Variants in ITCH observed in about 807,000 individuals in gnomAD.
ITCH encodes itchy E3 ubiquitin protein ligase.
ITCH carries 28 observed loss-of-function variants against 126.8 expected under a neutral mutation model. The observed-to-expected ratio is 0.22, with a 90% confidence interval of 0.16 to 0.30. The LOEUF is 0.30. Ranked by LOEUF, ITCH falls within the 10% of genes least tolerant of loss-of-function variation. The probability of loss-of-function intolerance (pLI) is 1.00; values close to 1 mark genes in which losing one functional copy is unlikely to be tolerated. For missense variants in ITCH, 631 were observed against 1,032.4 expected (o/e 0.61, Z 5.33); for synonymous variants, 342 against 340.0 (o/e 1.01, Z -0.06).
chr20:34,389,598 A>G (rs1162974983), intron 2 of ITCH, among the ~76,000 whole-genome samples: 1 of 152,120 alleles, frequency 6.6e-6, no homozygotes, highest in African/African-American at 2.4e-5. Flanking sequence ...TTCTTAGAAA[A>G]ACATATTCAG....
At chr20:34,486,348 C>CA (rs1232226087) in intron 20 of ITCH, among the ~76,000 whole-genome samples, 4 of 149,156 alleles carry the variant, frequency 2.7e-5, no homozygotes, top group African/African-American at 9.9e-5. Flanking sequence ...TCCCCCGAGA[C>CA]AGAGTCTTGC....
At chr20:34,465,829 G>A (rs1987002084) in intron 14 of ITCH, among the ~76,000 whole-genome samples, 2 of 151,956 alleles carry the variant, frequency 1.3e-5, no homozygotes, top group African/African-American at 2.4e-5. Flanking sequence ...TGTTTTCTTC[G>A]TAAAAGATCT....
At chr20:34,444,673 A>C (rs925410147) in intron 10 of ITCH, among the ~76,000 whole-genome samples, 27 of 151,916 alleles carry the variant, frequency 1.8e-4, no homozygotes, top group Admixed American at 1.4e-3. Flanking sequence ...ATGGAGACTC[A>C]CTCTGTTGCC....
chr20:34,476,460 C>T (rs1253755206), intron 16 of ITCH: 21 of 1,216,850 alleles, frequency 1.7e-5, no homozygotes, highest in Non-Finnish European at 2.1e-5. Flanking sequence ...GCCGGGCGCC[C>T]CCAGCGGCAG....
chr20:34,482,142 C>T (rs1404467967), intron 20 of ITCH, among the ~76,000 whole-genome samples: 1 of 152,232 alleles, frequency 6.6e-6, no homozygotes, highest in South Asian at 2.1e-4. Flanking sequence ...TCTCTTACAA[C>T]ACATGGGAAT....
At chr20:34,426,333 T>A (rs1258893147) in intron 7 of ITCH, among the ~76,000 whole-genome samples, 1 of 152,058 alleles carries the variant, frequency 6.6e-6, no homozygotes, top group African/African-American at 2.4e-5. Context: ...GGAGGATAGG[T>A]GAAGAAAGTA....
chr20:34,502,495 G>A (rs936473493), intron 23 of ITCH, among the ~76,000 whole-genome samples: 11 of 152,066 alleles, frequency 7.2e-5, no homozygotes, highest in Non-Finnish European at 1.3e-4. Flanking sequence ...TGGGTCACTT[G>A]AGGTCAGGAG....
intron 14 of ITCH, 144 bp downstream of exon 14, chr20:34,462,365 A>G: frequency 1.2e-6 from 1 of 810,498 alleles, no homozygotes; most frequent in Non-Finnish European, 2.0e-6. Flanking sequence ...AGTATTTTGC[A>G]TTTCCATCTC....
chr20:34,367,778 C>T (rs948120894), intron 1 of ITCH, among the ~76,000 whole-genome samples: 2 of 152,126 alleles, frequency 1.3e-5, no homozygotes, highest in African/African-American at 4.8e-5. Flanking sequence ...AGAACTAGAA[C>T]TAGAACTGGG....
intron 17 of ITCH, among the ~76,000 whole-genome samples, chr20:34,479,426 A>G (rs117991706): frequency 0.017 from 2,596 of 152,348 alleles, 39 homozygotes; most frequent in Non-Finnish European, 0.025. Context: ...GTAATAATGT[A>G]TATATTACCA....
chr20:34,447,869 T>G (rs746857240), intron 11 of ITCH, among the ~76,000 whole-genome samples: 1 of 152,136 alleles, frequency 6.6e-6, no homozygotes, highest in Non-Finnish European at 1.5e-5. Context: ...GTTTCTGTAG[T>G]AGGCCGGTGA....
chr20:34,476,043 T>G (rs1386154024), intron 16 of ITCH: 1 of 1,385,956 alleles, frequency 7.2e-7, no homozygotes, highest in Non-Finnish European at 1.0e-6. Context: ...TGTGATCTGT[T>G]AGTCCATATG....
intron 7 of ITCH, among the ~76,000 whole-genome samples, chr20:34,425,300 C>T (rs190831662): frequency 1.3e-5 from 2 of 152,268 alleles, no homozygotes; most frequent in African/African-American, 2.4e-5. Context: ...TGCAGAAAGC[C>T]GCAGGGACCT....
intron 23 of ITCH, among the ~76,000 whole-genome samples, chr20:34,493,589 A>G (rs991825997): frequency 1.3e-5 from 2 of 152,236 alleles, no homozygotes; most frequent in African/African-American, 2.4e-5. Context: ...AAAATGAAGT[A>G]TAAGAGAGGG....
Position 34,489,336 on chromosome 20 carries a change from G to A in ITCH, c.2164G>A (p.Glu722Lys). The A allele has an allele frequency of 6.2e-7, 1 of 1,613,110 alleles. No homozygotes were observed. The highest frequency in any genetic ancestry group is 1.3e-5 in the African/African-American group (1 of 74,986). The change falls in exon 21 of 25, where the codon GAA (glutamate) becomes AAA (lysine). Residue 722 changes from glutamate (E) to lysine (K), a missense_variant. Transcript: ENST00000374864. ...ACAAGCTTTCTTTGAAGGCTTTAATGAAATTCTTCCCCAGCAATATTTGCA... is the reference window on the plus strand; with the variant it reads ...ACAAGCTTTCTTTGAAGGCTTTAATAAAATTCTTCCCCAGCAATATTTGCA... The part of the protein sequence containing the change: ...QTQAFFEGFN[E>K]ILPQQYLQYF...
intron 23 of ITCH, 142 bp downstream of exon 23, chr20:34,492,739 A>G: frequency 1.5e-6 from 1 of 685,826 alleles, no homozygotes; most frequent in Non-Finnish European, 2.6e-6. Flanking sequence ...GATTTGTATA[A>G]CCTTTAAAAT....
intron 4 of ITCH, among the ~76,000 whole-genome samples, chr20:34,409,147 C>T (rs1425848343): frequency 1.4e-5 from 2 of 138,054 alleles, no homozygotes; most frequent in South Asian, 5.5e-4. Context: ...ACTCCCCCCC[C>T]CCCCGGTTTT....
chr20:34,424,441 T>C, intron 6 of ITCH, 39 bp from the exon 7 acceptor site: 1 of 1,542,770 alleles, frequency 6.5e-7, no homozygotes, highest in Non-Finnish European at 9.0e-7. Flanking sequence ...AAAACTACTC[T>C]CTTGAAACTC....
At chr20:34,389,583 C>G (rs1568878786) in intron 2 of ITCH, among the ~76,000 whole-genome samples, 1 of 151,960 alleles carries the variant, frequency 6.6e-6, no homozygotes, top group Non-Finnish European at 1.5e-5. Context: ...ACTAAGAAAT[C>G]CAGTTTCTTA....
Sources: gnomAD v4.1 joint callset for allele counts (sites outside exome capture counted in the v4.1 genomes callset) on GRCh38, gnomAD v4.1.1 for gene constraint, MANE v1.5 for transcripts, NCBI Gene and HGNC (gene_info 2026-07-23, HGNC 2026-07-21) for gene names.